Variants in RBMS3 observed in about 807,000 individuals in gnomAD.
RBMS3 encodes RNA-binding motif, single-stranded-interacting protein 3.
RBMS3 carries 27 observed loss-of-function variants against 66.8 expected under a neutral mutation model. The ratio of observed to expected loss-of-function variants is 0.40; its 90% CI spans 0.30 to 0.56. RBMS3 has a LOEUF of 0.56. Ranked by LOEUF, RBMS3 falls within the 20% of genes least tolerant of loss-of-function variation. The probability of loss-of-function intolerance (pLI) is 0.40; values close to 1 mark genes in which losing one functional copy is unlikely to be tolerated. For missense variants in RBMS3, 513 were observed against 549.5 expected (o/e 0.93, Z 0.66); for synonymous variants, 188 against 183.0 (o/e 1.03, Z -0.22).
In RBMS3 at chr3:29,994,098, G is replaced by A. The variant is rs545883844; in HGVS notation, c.1307+2889G>A. Among the ~76,000 whole-genome samples, 653 of 152,296 alleles carry A rather than the reference G, an allele frequency of 4.3e-3. 1 individual carries two copies. Among genetic ancestry groups the A allele is most frequent in the African/African-American group, 0.015 (603 of 41,570 alleles). On this transcript the variant is annotated intron_variant, in intron 14 of 14. Transcript: ENST00000383767. The stretch of plus-strand genomic sequence containing the variant: ...CACCGTGCGCAAGCCGAAGCAGGGC[G>A]AGGCATTGCCTCACTTGGGAAGCGC...
At chr3:29,469,513 C>T (rs2042647380) in intron 2 of RBMS3, among the ~76,000 whole-genome samples, 1 of 151,826 alleles carries the variant, frequency 6.6e-6, no homozygotes, top group African/African-American at 2.4e-5. Context: ...TTTAATGGGA[C>T]TCTATAAACC....
chr3:29,653,788 T>C (rs1187957216), intron 4 of RBMS3, among the ~76,000 whole-genome samples: 1 of 152,188 alleles, frequency 6.6e-6, no homozygotes, highest in African/African-American at 2.4e-5. Context: ...AATCATCCTC[T>C]CACAATTCTG....
chr3:29,961,225 C>A (rs934462118), intron 12 of RBMS3, among the ~76,000 whole-genome samples: 2 of 152,200 alleles, frequency 1.3e-5, no homozygotes, highest in Non-Finnish European at 2.9e-5. Flanking sequence ...TTTGCTAAAG[C>A]ATGGCAAGAG....
chr3:29,538,178 A>G (rs536443197), intron 3 of RBMS3, among the ~76,000 whole-genome samples: 1 of 152,338 alleles, frequency 6.6e-6, no homozygotes, highest in South Asian at 2.1e-4. Context: ...GAATAAAGAT[A>G]AATGTGGATA....
rs112806973 is a variant in RBMS3, at chr3:29,577,597, G to A, written c.308-9517G>A. 6.4e-3 allele frequency among the ~76,000 whole-genome samples: 968 copies of A among 152,302 alleles called. 6 individuals carry two copies. The highest frequency in any genetic ancestry group is 0.021 in the African/African-American group (871 of 41,568). On this transcript the variant is annotated intron_variant, in intron 3 of 14. Transcript: ENST00000383767. Reference sequence around the variant, plus strand: ...AGGAAACTTGGGTATCAACTGATGAGATGGATGATTCTTCTCTGGCTAGGT... The same window carrying A: ...AGGAAACTTGGGTATCAACTGATGAAATGGATGATTCTTCTCTGGCTAGGT...
intron 12 of RBMS3, among the ~76,000 whole-genome samples, chr3:29,985,382 A>G (rs1698308177): frequency 6.6e-6 from 1 of 151,392 alleles, no homozygotes; most frequent in South Asian, 2.1e-4. Flanking sequence ...TCTCACTGGC[A>G]TTCCAGGTGC....
intron 3 of RBMS3, among the ~76,000 whole-genome samples, chr3:29,501,790 G>A (rs2043984102): frequency 6.6e-6 from 1 of 152,028 alleles, no homozygotes; most frequent in Admixed American, 6.6e-5. Flanking sequence ...AAAAAAGAGG[G>A]GAAAGTCAAT....
At chr3:29,698,385 T>G (rs1280548984) in intron 4 of RBMS3, 72 of 985,324 alleles carry the variant, frequency 7.3e-5, no homozygotes, top group Non-Finnish European at 8.4e-5. Context: ...AACCAGATTT[T>G]TTTTTTCATG....
At chr3:29,777,990 T>A (rs938835288) in intron 6 of RBMS3, among the ~76,000 whole-genome samples, 6 of 151,872 alleles carry the variant, frequency 4.0e-5, no homozygotes, top group Admixed American at 1.3e-4. Context: ...ATACTTATAC[T>A]CTTTTTCTCT....
At chr3:29,923,337 T>G (rs988378443) in intron 10 of RBMS3, among the ~76,000 whole-genome samples, 2 of 152,176 alleles carry the variant, frequency 1.3e-5, no homozygotes, top group African/African-American at 4.8e-5. Flanking sequence ...TGGGGATAGA[T>G]GATATAAAAC....
intron 5 of RBMS3, among the ~76,000 whole-genome samples, chr3:29,754,218 G>A (rs1022660045): frequency 6.6e-6 from 1 of 152,184 alleles, no homozygotes; most frequent in Non-Finnish European, 1.5e-5. Context: ...CTCCCAAAGT[G>A]CTGGGATCAC....
At chr3:29,611,103 T>A (rs2048478751) in intron 4 of RBMS3, among the ~76,000 whole-genome samples, 1 of 152,048 alleles carries the variant, frequency 6.6e-6, no homozygotes, top group Admixed American at 6.6e-5. Context: ...CATTATGTCT[T>A]GTGTGTTTGT....
intron 1 of RBMS3, among the ~76,000 whole-genome samples, chr3:29,294,109 T>C (rs532486331): frequency 9.2e-5 from 14 of 151,830 alleles, no homozygotes; most frequent in Non-Finnish European, 1.9e-4. Flanking sequence ...TAGTATGGTG[T>C]ATGATGCAGA....
At chr3:29,942,702 C>T (rs765803734) in intron 11 of RBMS3, among the ~76,000 whole-genome samples, 2 of 151,646 alleles carry the variant, frequency 1.3e-5, no homozygotes, top group African/African-American at 4.8e-5. Flanking sequence ...TGCTTTTCTA[C>T]ATTATCCAGC....
intron 1 of RBMS3, among the ~76,000 whole-genome samples, chr3:29,401,585 C>T (rs562565051): frequency 7.2e-5 from 11 of 152,116 alleles, no homozygotes; most frequent in Admixed American, 2.6e-4. Context: ...AAAGTTATAG[C>T]TAGACTAGGT....
chr3:29,799,447 G>A (rs2057320076), intron 6 of RBMS3, among the ~76,000 whole-genome samples: 1 of 151,960 alleles, frequency 6.6e-6, no homozygotes, highest in Admixed American at 6.6e-5. Context: ...ATACACTATG[G>A]TAATACTATT....
chr3:29,938,763 A>T (rs553620786), intron 11 of RBMS3, among the ~76,000 whole-genome samples: 1 of 152,044 alleles, frequency 6.6e-6, no homozygotes, highest in East Asian at 1.9e-4. Flanking sequence ...TCATGGAAAG[A>T]TCAGTTGGCT....
At chr3:29,535,481 CT>C (rs2045518080) in intron 3 of RBMS3, among the ~76,000 whole-genome samples, 1 of 152,012 alleles carries the variant, frequency 6.6e-6, no homozygotes. Context: ...TTCATTCTGC[CT>C]TTTGGGTATA....
At chr3:29,413,372 TCATA>T (rs10530714) in intron 1 of RBMS3, among the ~76,000 whole-genome samples, 21,561 of 109,748 alleles carry the variant, frequency 0.2, 1,648 homozygotes, top group Admixed American at 0.24. Context: ...TCCATCTCAT[TCATA>T]CATACATACA....
Sources: allele counts gnomAD v4.1 joint callset (sites outside exome capture counted in the v4.1 genomes callset), GRCh38; gene constraint gnomAD v4.1.1; transcripts MANE v1.5; gene names NCBI Gene and HGNC (gene_info 2026-07-23, HGNC 2026-07-21).